Variants in TANC1 observed in about 807,000 individuals in gnomAD.
The protein encoded by TANC1 is tetratricopeptide repeat, ankyrin repeat and coiled-coil containing 1, also known as protein TANC1.
A neutral mutation model predicts 149.7 loss-of-function variants in TANC1; 77 were observed. That is an observed-to-expected ratio of 0.51 (90% confidence interval 0.43 to 0.62). TANC1 has a LOEUF of 0.62. Ranked by LOEUF, TANC1 falls within the 20% of genes least tolerant of loss-of-function variation. The pLI, the probability that TANC1 is intolerant of heterozygous loss-of-function variation, is 0.00. For missense variants in TANC1, 1,985 were observed against 2,321.8 expected, an observed-to-expected ratio of 0.85 and a Z score of 2.98; for synonymous variants, 854 against 925.0, an observed-to-expected ratio of 0.92 and a Z score of 1.39.
chr2:159,035,390 C>T (rs1371340114), intron 2 of TANC1, among the ~76,000 whole-genome samples: 1 of 151,868 alleles, frequency 6.6e-6, no homozygotes, highest in Non-Finnish European at 1.5e-5. Flanking sequence ...CTCATTTTTT[C>T]AAAACTATCA....
intron 2 of TANC1, among the ~76,000 whole-genome samples, chr2:159,044,615 A>G (rs1363459915): frequency 6.6e-6 from 1 of 152,016 alleles, no homozygotes; most frequent in Non-Finnish European, 1.5e-5. Context: ...ATCTTAAGTG[A>G]GCACAGCTTG....
intron 4 of TANC1, among the ~76,000 whole-genome samples, chr2:159,125,534 T>C (rs1341506828): frequency 6.6e-6 from 1 of 151,846 alleles, no homozygotes; most frequent in Non-Finnish European, 1.5e-5. Context: ...CAGAATTCAG[T>C]TCCATGTGAC....
At chr2:159,020,955 G>T (rs2038782927) in intron 2 of TANC1, among the ~76,000 whole-genome samples, 1 of 151,952 alleles carries the variant, frequency 6.6e-6, no homozygotes, top group Non-Finnish European at 1.5e-5. Context: ...ATCATCTGTG[G>T]AAAGGTAGGG....
At chr2:159,199,399 A>G (rs1168225276) in intron 19 of TANC1, among the ~76,000 whole-genome samples, 8 of 152,228 alleles carry the variant, frequency 5.3e-5, no homozygotes, top group Admixed American at 3.3e-4. Flanking sequence ...TGACCTGTGC[A>G]TGGCGAGCCA....
At chr2:159,149,884 C>G (rs1477067499) in intron 6 of TANC1, 1 of 167,484 alleles carries the variant, frequency 6.0e-6, no homozygotes, top group Non-Finnish European at 1.3e-5. Context: ...TTGATTGAGA[C>G]TGAGTGGTCA....
At chr2:158,988,904 C>A (rs2035318752) in intron 1 of TANC1, among the ~76,000 whole-genome samples, 1 of 152,098 alleles carries the variant, frequency 6.6e-6, no homozygotes, top group South Asian at 2.1e-4. Context: ...TATCGGCTTC[C>A]TAATAGGCAT....
At chr2:159,216,703 C>T (rs1461481675) in intron 19 of TANC1, among the ~76,000 whole-genome samples, 1 of 152,184 alleles carries the variant, frequency 6.6e-6, no homozygotes, top group Non-Finnish European at 1.5e-5. Flanking sequence ...CTTCCCGCAG[C>T]ACCACCACGA....
At chr2:159,036,211 G>T (rs557936261) in intron 2 of TANC1, among the ~76,000 whole-genome samples, 3 of 152,082 alleles carry the variant, frequency 2.0e-5, no homozygotes, top group Admixed American at 6.5e-5. Flanking sequence ...TTTGAGCTAC[G>T]ACTGTTCACC....
chr2:159,009,419 A>T (rs1430552866), intron 2 of TANC1, among the ~76,000 whole-genome samples: 1 of 152,228 alleles, frequency 6.6e-6, no homozygotes, highest in Admixed American at 6.5e-5. Context: ...ATTTAGCCAT[A>T]AAAAAGACAT....
At chr2:159,207,327 C>G (rs750942379) in intron 19 of TANC1, among the ~76,000 whole-genome samples, 2 of 152,186 alleles carry the variant, frequency 1.3e-5, no homozygotes, top group Non-Finnish European at 2.9e-5. Context: ...TACTTTCATT[C>G]TAAACAACTC....
intron 9 of TANC1, among the ~76,000 whole-genome samples, chr2:159,170,033 C>G (rs1043248638): frequency 1.3e-5 from 2 of 151,906 alleles, no homozygotes; most frequent in Non-Finnish European, 2.9e-5. Context: ...GCCATGTTCT[C>G]TGTCTACCTG....
intron 2 of TANC1, among the ~76,000 whole-genome samples, chr2:159,035,227 T>C (rs1264228950): frequency 1.3e-5 from 2 of 152,140 alleles, no homozygotes; most frequent in African/African-American, 4.8e-5. Context: ...AAGGAGTCAG[T>C]GGGAAATTAG....
chr2:159,219,141 C>G, intron 20 of TANC1, 97 bp from the exon 21 acceptor site: 1 of 1,491,604 alleles, frequency 6.7e-7, no homozygotes, highest in Non-Finnish European at 9.3e-7. Flanking sequence ...GAAAGAAAGT[C>G]ATTTGACTAT....
chr2:159,127,981 G>T (rs1484541101), intron 4 of TANC1, among the ~76,000 whole-genome samples: 1 of 152,216 alleles, frequency 6.6e-6, no homozygotes, highest in African/African-American at 2.4e-5. Context: ...AAGGCTGTCT[G>T]CCCTTTCCCA....
intron 4 of TANC1, among the ~76,000 whole-genome samples, chr2:159,111,819 A>ATC (rs1231657558): frequency 6.6e-6 from 1 of 152,190 alleles, no homozygotes; most frequent in Non-Finnish European, 1.5e-5. Flanking sequence ...GGAGGCTTCT[A>ATC]TCTTGGGCTG....
At chr2:159,007,523 A>G (rs1299475338) in intron 2 of TANC1, among the ~76,000 whole-genome samples, 1 of 152,178 alleles carries the variant, frequency 6.6e-6, no homozygotes, top group African/African-American at 2.4e-5. Flanking sequence ...TGCCTACAGT[A>G]TTCACTACAG....
In TANC1 at chr2:159,187,030, C is replaced by A. The variant is rs755171453; in HGVS notation, c.2742+6C>A. On this transcript the variant is annotated splice_donor_region_variant and intron_variant, in intron 16 of 26. Transcript: ENST00000263635. ...TCTATACTCCCAACGTGAAGGTGAGCAACCTTCTGCACAGAGAGCCGGAGA... is the reference window on the plus strand; with the variant it reads ...TCTATACTCCCAACGTGAAGGTGAGAAACCTTCTGCACAGAGAGCCGGAGA... The A allele has an allele frequency of 6.2e-7, 1 of 1,613,952 alleles. No homozygotes were observed. The highest frequency in any genetic ancestry group is 8.5e-7 in the Non-Finnish European group (1 of 1,179,944).
At chr2:159,056,403 C>T (rs1213562041) in intron 2 of TANC1, 1 of 153,580 alleles carries the variant, frequency 6.5e-6, no homozygotes, top group African/African-American at 2.4e-5. Context: ...CCTCCGCCTC[C>T]CGGGTTCAAG....
intron 7 of TANC1, among the ~76,000 whole-genome samples, chr2:159,152,085 G>T (rs2052877763): frequency 6.6e-6 from 1 of 152,096 alleles, no homozygotes; most frequent in South Asian, 2.1e-4. Flanking sequence ...CATATAAATG[G>T]TGGGCTGAGT....
Sources: allele counts gnomAD v4.1 joint callset (sites outside exome capture counted in the v4.1 genomes callset), GRCh38; gene constraint gnomAD v4.1.1; transcripts MANE v1.5; gene names NCBI Gene and HGNC (gene_info 2026-07-23, HGNC 2026-07-21).